Variants in CNTN5 observed in about 807,000 individuals in gnomAD.
CNTN5 encodes contactin-5.
Under a neutral mutation model 129.1 loss-of-function variants are expected in CNTN5, and 77 were observed. That is an observed-to-expected ratio of 0.60 (90% CI 0.50 to 0.72). The LOEUF (loss-of-function observed/expected upper bound fraction) is 0.72. Ranked by LOEUF, CNTN5 falls within the 30% of genes least tolerant of loss-of-function variation. CNTN5 has a pLI of 0.00. For synonymous variants in CNTN5, 509 were observed against 465.6 expected (o/e 1.09, Z -1.20); for missense variants, 1,478 against 1,328.8 (o/e 1.11, Z -1.75).
intron 3 of CNTN5, among the ~76,000 whole-genome samples, chr11:99,688,172 A>G (rs559963197): frequency 6.6e-5 from 10 of 152,236 alleles, no homozygotes; most frequent in Non-Finnish European, 1.2e-4. Flanking sequence ...GTAGTCATAT[A>G]GTAAATCAGC....
At chr11:99,398,972 A>G (rs897347742) in intron 2 of CNTN5, among the ~76,000 whole-genome samples, 2 of 151,810 alleles carry the variant, frequency 1.3e-5, no homozygotes, top group Non-Finnish European at 1.5e-5. Flanking sequence ...TTTCTGTCTC[A>G]TATACTCTTC....
intron 3 of CNTN5, among the ~76,000 whole-genome samples, chr11:99,615,599 A>G (rs955595392): frequency 1.3e-5 from 2 of 152,130 alleles, no homozygotes; most frequent in African/African-American, 4.8e-5. Flanking sequence ...AGGAATTCAC[A>G]GGAAGTTGCC....
chr11:99,700,969 T>G (rs1954494557), intron 3 of CNTN5, among the ~76,000 whole-genome samples: 1 of 151,322 alleles, frequency 6.6e-6, no homozygotes, highest in Non-Finnish European at 1.5e-5. Context: ...TTTTTGTAAC[T>G]ACTAGCAGCA....
chr11:99,890,075 C>G (rs1949017793), intron 6 of CNTN5, among the ~76,000 whole-genome samples: 1 of 152,062 alleles, frequency 6.6e-6, no homozygotes, highest in Admixed American at 6.6e-5. Flanking sequence ...AATTATTACT[C>G]ATGGACAGGA....
chr11:100,049,877 C>T (rs1489669662), intron 9 of CNTN5, among the ~76,000 whole-genome samples: 1 of 152,104 alleles, frequency 6.6e-6, no homozygotes, highest in Non-Finnish European at 1.5e-5. Flanking sequence ...TGAAAAAATG[C>T]TCACCATCAC....
intron 3 of CNTN5, among the ~76,000 whole-genome samples, chr11:99,588,402 T>C (rs565754423): frequency 1.3e-5 from 2 of 150,986 alleles, no homozygotes; most frequent in African/African-American, 2.4e-5. Context: ...GTAAATGGCA[T>C]TTTGTAGAAG....
intron 1 of CNTN5, among the ~76,000 whole-genome samples, chr11:99,064,126 G>A (rs1234573184): frequency 6.6e-6 from 1 of 152,076 alleles, no homozygotes; most frequent in Non-Finnish European, 1.5e-5. Flanking sequence ...TTTAAAATGA[G>A]TCATGAGTCA....
intron 18 of CNTN5, among the ~76,000 whole-genome samples, chr11:100,284,130 G>A (rs1449461405): frequency 6.6e-6 from 1 of 152,110 alleles, no homozygotes; most frequent in Non-Finnish European, 1.5e-5. Context: ...GGCCACTGCT[G>A]GGGAATGGAG....
intron 2 of CNTN5, among the ~76,000 whole-genome samples, chr11:99,350,831 G>A (rs1938246107): frequency 6.6e-6 from 1 of 152,054 alleles, no homozygotes; most frequent in Non-Finnish European, 1.5e-5. Context: ...TTGAGAAGAT[G>A]TGTATGATAA....
intron 3 of CNTN5, among the ~76,000 whole-genome samples, chr11:99,570,081 A>T (rs558820667): frequency 6.6e-6 from 1 of 151,896 alleles, no homozygotes; most frequent in Non-Finnish European, 1.5e-5. Context: ...CCATTTTCAC[A>T]CATCACTGAG....
At chr11:100,079,971 A>G (rs1282409090) in intron 13 of CNTN5, among the ~76,000 whole-genome samples, 3 of 152,158 alleles carry the variant, frequency 2.0e-5, no homozygotes, top group Non-Finnish European at 1.5e-5. Context: ...AGTCTTCATT[A>G]TTACATGTTC....
At chr11:100,059,283 C>T (rs1308763534) in intron 9 of CNTN5, among the ~76,000 whole-genome samples, 1 of 151,996 alleles carries the variant, frequency 6.6e-6, no homozygotes, top group Non-Finnish European at 1.5e-5. Context: ...ATACAAAATG[C>T]TACCAAATAC....
At chr11:99,241,922 A>G (rs1227677259) in intron 1 of CNTN5, among the ~76,000 whole-genome samples, 2 of 152,074 alleles carry the variant, frequency 1.3e-5, no homozygotes, top group Non-Finnish European at 1.5e-5. Context: ...GGAATACAGC[A>G]CACACACATA....
intron 4 of CNTN5, among the ~76,000 whole-genome samples, chr11:99,820,602 G>A (rs1348058747): frequency 1.1e-4 from 2 of 17,858 alleles, no homozygotes; most frequent in African/African-American, 4.1e-4. Context: ...AACGGCACCT[G>A]TTATTACTAG....
chr11:100,152,381 G>C (rs192282391), intron 13 of CNTN5, among the ~76,000 whole-genome samples: 44 of 152,204 alleles, frequency 2.9e-4, no homozygotes, highest in African/African-American at 1.1e-3. Context: ...CTGACTCCCT[G>C]TTCCAAGCAT....
At chr11:99,201,763 C>A (rs1000269348) in intron 1 of CNTN5, among the ~76,000 whole-genome samples, 3 of 152,138 alleles carry the variant, frequency 2.0e-5, no homozygotes, top group African/African-American at 7.2e-5. Flanking sequence ...TGGAAGGGGG[C>A]TATGAAATAA....
intron 7 of CNTN5, among the ~76,000 whole-genome samples, chr11:99,927,768 A>G (rs1039329520): frequency 5.3e-5 from 8 of 152,122 alleles, no homozygotes; most frequent in Admixed American, 5.2e-4. Flanking sequence ...ACACAGCCAA[A>G]TCATATTATT....
intron 3 of CNTN5, among the ~76,000 whole-genome samples, chr11:99,675,557 C>T (rs1020649048): frequency 3.9e-5 from 6 of 152,042 alleles, no homozygotes; most frequent in African/African-American, 1.4e-4. Flanking sequence ...TGGTGGTGGG[C>T]ACCTGTAATC....
chr11:99,584,093 G>A (rs1949711689), intron 3 of CNTN5, among the ~76,000 whole-genome samples: 1 of 152,188 alleles, frequency 6.6e-6, no homozygotes, highest in Admixed American at 6.5e-5. Context: ...TAAGGAGGAT[G>A]TGATTTCTCT....
Sources: gnomAD v4.1 joint callset for allele counts (sites outside exome capture counted in the v4.1 genomes callset) on GRCh38, gnomAD v4.1.1 for gene constraint, MANE v1.5 for transcripts, NCBI Gene and HGNC (gene_info 2026-07-23, HGNC 2026-07-21) for gene names.